The following ZNF804A variants were observed in gnomAD, a reference collection of about 807,000 sequenced individuals.
ZNF804A encodes the protein zinc finger protein 804A.
ZNF804A carries 2 observed loss-of-function variants against 16.5 expected under a neutral mutation model. The ratio of observed to expected loss-of-function variants is 0.12; its 90% CI spans 0.05 to 0.38. The LOEUF is 0.38. Ranked by LOEUF, ZNF804A falls within the 10% of genes least tolerant of loss-of-function variation. The pLI is 0.99. For missense variants in ZNF804A, 1,473 were observed against 1,390.7 expected, an observed-to-expected ratio of 1.06 and a Z score of -0.94; for synonymous variants, 534 against 489.6, an observed-to-expected ratio of 1.09 and a Z score of -1.20.
chr2:184,633,407 C>G (rs1691643830), intron 1 of ZNF804A, among the ~76,000 whole-genome samples: 1 of 152,048 alleles, frequency 6.6e-6, no homozygotes. Context: ...CTTAAAATTG[C>G]TCTATTTCCC....
intron 1 of ZNF804A, among the ~76,000 whole-genome samples, chr2:184,820,706 A>G (rs980426132): frequency 6.6e-6 from 1 of 152,152 alleles, no homozygotes; most frequent in Admixed American, 6.6e-5. Flanking sequence ...GCCAATAAGC[A>G]ACTTCAGCAA....
intron 1 of ZNF804A, among the ~76,000 whole-genome samples, chr2:184,654,946 A>G (rs562840789): frequency 1.2e-4 from 18 of 152,344 alleles, no homozygotes; most frequent in Non-Finnish European, 2.2e-4. Flanking sequence ...TTTACATACA[A>G]CAAGACTTAG....
intron 1 of ZNF804A, among the ~76,000 whole-genome samples, chr2:184,658,768 A>G (rs749384398): frequency 6.6e-6 from 1 of 152,204 alleles, no homozygotes; most frequent in African/African-American, 2.4e-5. Flanking sequence ...ACAAAGAAGA[A>G]TGAGCCAAAG....
chr2:184,775,846 T>C (rs1052549752), intron 1 of ZNF804A, among the ~76,000 whole-genome samples: 3 of 151,570 alleles, frequency 2.0e-5, no homozygotes, highest in South Asian at 2.1e-4. Flanking sequence ...GATGTTTGGA[T>C]ATGAGGGTAA....
At chr2:184,647,659 T>C (rs1046041197) in intron 1 of ZNF804A, among the ~76,000 whole-genome samples, 4 of 152,232 alleles carry the variant, frequency 2.6e-5, no homozygotes, top group African/African-American at 9.6e-5. Flanking sequence ...CATGAAGATC[T>C]GTATTTTGAA....
rs920974945 is a variant in ZNF804A, at chr2:184,928,479, G to C, written c.256-5124G>C. 3.3e-5 allele frequency among the ~76,000 whole-genome samples: 5 copies of C among 152,240 alleles called. No individual in the cohort carries two copies. The East Asian group carries it at 9.7e-4, about 30-fold the overall frequency. On this transcript the variant is annotated intron_variant, in intron 2 of 3. Coordinates refer to ENST00000302277, the MANE Select transcript of ZNF804A (RefSeq NM_194250.2). ...CTCTGCAGCCTGGGGTTAGGGGAGGGGGAGGAGTGGCATCAGCCCTCCCTT... is the reference window on the plus strand; with the variant it reads ...CTCTGCAGCCTGGGGTTAGGGGAGGCGGAGGAGTGGCATCAGCCCTCCCTT...
At chr2:184,628,646 TC>T (rs1407850994) in intron 1 of ZNF804A, among the ~76,000 whole-genome samples, 1 of 152,092 alleles carries the variant, frequency 6.6e-6, no homozygotes, top group African/African-American at 2.4e-5. Flanking sequence ...TCTTTGGTAA[TC>T]CTTTTTTTTA....
chr2:184,815,130 A>G lies in ZNF804A; in HGVS notation c.112-51239A>G, dbSNP rs186299315. On this transcript the variant is annotated intron_variant, in intron 1 of 3. Coordinates refer to ENST00000302277, the MANE Select transcript of ZNF804A (RefSeq NM_194250.2). Reference sequence around the variant, plus strand: ...TGATGAGTGATTACCAATTACTACAATTTGAAAGTCAGTGAGTGATACAGT... The same window carrying G: ...TGATGAGTGATTACCAATTACTACAGTTTGAAAGTCAGTGAGTGATACAGT... Among the ~76,000 whole-genome samples the G allele has an allele frequency of 2.4e-3, 364 of 152,176 alleles. 2 individuals are homozygous for G. Among genetic ancestry groups the G allele is most frequent in the African/African-American group, 8.5e-3 (352 of 41,560 alleles).
At chr2:184,925,308 AGTT>A (rs1389978633) in intron 2 of ZNF804A, among the ~76,000 whole-genome samples, 1 of 151,762 alleles carries the variant, frequency 6.6e-6, no homozygotes, top group African/African-American at 2.4e-5. Flanking sequence ...CTTTTCTTAT[AGTT>A]GTTGTCATCG....
rs2105662428 is a variant in ZNF804A at position 184,599,087 on chromosome 2, T to TCC, written c.111+18_111+19dup. The TCC allele has an allele frequency of 6.9e-7, 1 of 1,451,544 alleles. No homozygotes were observed. The highest frequency in any genetic ancestry group is 9.6e-7 in the Non-Finnish European group (1 of 1,045,932). The allele number at this position is 1,451,544 out of a possible 1,614,324, so 89.9% of individuals were successfully genotyped here. ...AAAACTCTGGTAATCGCTTCTGTTT[T>TCC]CCTCTCTCTCTCTCTCATATTTAAG... On this transcript the variant is annotated intron_variant, in intron 1 of 3. Coordinates refer to ENST00000302277, the MANE Select transcript of ZNF804A (RefSeq NM_194250.2).
At chr2:184,917,514 T>G (rs1361050531) in intron 2 of ZNF804A, among the ~76,000 whole-genome samples, 1 of 152,066 alleles carries the variant, frequency 6.6e-6, no homozygotes, top group Non-Finnish European at 1.5e-5. Context: ...TTACTCATGG[T>G]CAACTGTGTT....
intron 2 of ZNF804A, among the ~76,000 whole-genome samples, chr2:184,886,563 C>T (rs75470056): frequency 0.019 from 2,872 of 152,342 alleles, 75 homozygotes; most frequent in African/African-American, 0.064. Flanking sequence ...GAGGGCCCTG[C>T]CCCTGTGGCA....
chr2:184,883,340 A>G (rs1488852159), intron 2 of ZNF804A, among the ~76,000 whole-genome samples: 1 of 152,054 alleles, frequency 6.6e-6, no homozygotes, highest in Non-Finnish European at 1.5e-5. Context: ...ACATTCTATG[A>G]GACATATAAA....
At chr2:184,722,551 G>C (rs1408757928) in intron 1 of ZNF804A, among the ~76,000 whole-genome samples, 1 of 151,950 alleles carries the variant, frequency 6.6e-6, no homozygotes, top group Non-Finnish European at 1.5e-5. Flanking sequence ...GAAAAGTCCA[G>C]AGTTACCTTC....
At position 184,819,787 on chromosome 2, in the gene ZNF804A, C is replaced by A. The variant is rs147607962; in HGVS notation, c.112-46582C>A. On this transcript the variant is annotated intron_variant, in intron 1 of 3. Coordinates refer to ENST00000302277, the MANE Select transcript of ZNF804A (RefSeq NM_194250.2). ...AACAACCATCACAGAATACTATAAA[C>A]ACCTCTATGCACATAAACTAGAAAA... Among the ~76,000 whole-genome samples the A allele has an allele frequency of 2.1e-3, 325 of 152,140 alleles. 1 individual carries two copies. The highest frequency in any genetic ancestry group is 6.8e-3 in the Middle Eastern group (2 of 294).
chr2:184,725,768 C>T (rs1283053294), intron 1 of ZNF804A, among the ~76,000 whole-genome samples: 2 of 151,490 alleles, frequency 1.3e-5, no homozygotes, highest in East Asian at 3.9e-4. Context: ...CCTGATGCTA[C>T]CCCTTTATCC....
intron 1 of ZNF804A, among the ~76,000 whole-genome samples, chr2:184,804,177 A>G (rs1694767002): frequency 1.3e-5 from 2 of 151,980 alleles, no homozygotes; most frequent in South Asian, 4.1e-4. Flanking sequence ...TCTGTCTGTT[A>G]TAAGGACATT....
chr2:184,867,496 A>T (rs1695893189), intron 2 of ZNF804A, among the ~76,000 whole-genome samples: 1 of 152,054 alleles, frequency 6.6e-6, no homozygotes, highest in Non-Finnish European at 1.5e-5. Flanking sequence ...TCAATCCTGC[A>T]GTCGTTCATA....
intron 1 of ZNF804A, among the ~76,000 whole-genome samples, chr2:184,823,264 G>A (rs1379335795): frequency 2.0e-5 from 3 of 151,968 alleles, no homozygotes; most frequent in Non-Finnish European, 2.9e-5. Flanking sequence ...GATTTTATAA[G>A]GTCATTAATC....
Sources: allele counts gnomAD v4.1 joint callset (sites outside exome capture counted in the v4.1 genomes callset), GRCh38; gene constraint gnomAD v4.1.1; transcripts MANE v1.5; gene names NCBI Gene and HGNC (gene_info 2026-07-23, HGNC 2026-07-21).